Variants in OTOGL observed in about 807,000 individuals in gnomAD.
OTOGL encodes otogelin like.
Under a neutral mutation model 318.5 loss-of-function variants are expected in OTOGL, and 285 were observed. The ratio of observed to expected loss-of-function variants is 0.89; its 90% CI spans 0.81 to 0.99. OTOGL has a LOEUF of 0.99. Among genes scored for constraint, OTOGL ranks in the 50% least tolerant of loss-of-function variants. The pLI is 0.00. For missense variants in OTOGL, 2,899 were observed against 2,845.6 expected (o/e 1.02, Z -0.43); for synonymous variants, 987 against 936.5 (o/e 1.05, Z -0.99).
chr12:80,148,740 G>T (rs922350603), intron 1 of OTOGL, among the ~76,000 whole-genome samples: 1 of 152,124 alleles, frequency 6.6e-6, no homozygotes, highest in African/African-American at 2.4e-5. Flanking sequence ...TTTCTTGGAG[G>T]CTTTGCTCAT....
intron 1 of OTOGL, among the ~76,000 whole-genome samples, chr12:80,141,869 C>G (rs900418083): frequency 3.9e-5 from 6 of 152,084 alleles, no homozygotes; most frequent in African/African-American, 1.4e-4. Context: ...TTAAAATTAG[C>G]AGCAGAATTC....
intron 26 of OTOGL, among the ~76,000 whole-genome samples, chr12:80,279,621 A>T (rs1884068226): frequency 6.6e-6 from 1 of 151,386 alleles, no homozygotes; most frequent in East Asian, 1.9e-4. Flanking sequence ...TGCAAAAGAC[A>T]TTTCTTTCTT....
chr12:80,120,423 T>A (rs538477592), intron 1 of OTOGL, among the ~76,000 whole-genome samples: 1 of 152,150 alleles, frequency 6.6e-6, no homozygotes, highest in Non-Finnish European at 1.5e-5. Flanking sequence ...ACATACCTGT[T>A]GTTATATAAT....
chr12:80,343,526 T>TTTTTTTTTTTTTTTTTTTTTTTTTTTTC lies in OTOGL; in HGVS notation c.5265+1374_5265+1375insTTTTTTTTTTTTTTTTTCTTTTTTTTTT, dbSNP rs1555301044. 79 of 118,164 alleles carry TTTTTTTTTTTTTTTTTTTTTTTTTTTTC rather than the reference T, an allele frequency of 6.7e-4. 1 individual carries two copies. Among genetic ancestry groups the TTTTTTTTTTTTTTTTTTTTTTTTTTTTC allele is most frequent in the African/African-American group, 3.6e-3 (78 of 21,876 alleles). The allele number at this position is 118,164 out of a possible 1,614,324, so 7.3% of individuals were successfully genotyped here. A position where few individuals can be genotyped will look rare whatever the true frequency, so the allele number is the denominator to read the frequency against. On this transcript the variant is annotated intron_variant, in intron 44 of 58. Transcript: ENST00000547103. ...TTATTCTTGTTTTTTTTTTTTTTTTTTTTTTTTTTTAACTTTCTTTTCCTG... is the reference window on the plus strand; with the variant it reads ...TTATTCTTGTTTTTTTTTTTTTTTTTTTTTTTTTTTTTTTTTTTTTTTTTTTTCTTTTTTTTTTAACTTTCTTTTCCTG...
At chr12:80,286,183 T>TTG (rs1884606400) in intron 26 of OTOGL, among the ~76,000 whole-genome samples, 1 of 152,158 alleles carries the variant, frequency 6.6e-6, no homozygotes, top group Non-Finnish European at 1.5e-5. Context: ...ATTTATTGAT[T>TTG]TGTGTATGTT....
chr12:80,134,679 G>A (rs1478182636), intron 1 of OTOGL, among the ~76,000 whole-genome samples: 8 of 152,130 alleles, frequency 5.3e-5, no homozygotes. Context: ...CCTGCATTCT[G>A]CTTCTTGGCA....
At chr12:80,332,060 GT>G (rs1888107281) in intron 37 of OTOGL, among the ~76,000 whole-genome samples, 1 of 152,138 alleles carries the variant, frequency 6.6e-6, no homozygotes, top group Admixed American at 6.6e-5. Context: ...AGGAAACAGA[GT>G]CTCCCTTAGA....
At chr12:80,150,978 A>G (rs1224126721) in intron 1 of OTOGL, among the ~76,000 whole-genome samples, 4 of 152,352 alleles carry the variant, frequency 2.6e-5, no homozygotes, top group South Asian at 4.1e-4. Flanking sequence ...GGAAGAAATT[A>G]TAGATAATAG....
chr12:80,226,854 A>G (rs1194364361), intron 7 of OTOGL, among the ~76,000 whole-genome samples: 8 of 152,174 alleles, frequency 5.3e-5, no homozygotes, highest in Non-Finnish European at 1.2e-4. Context: ...TTTCCTGGAA[A>G]GTGTGCATGG....
chr12:80,296,765 A>C, intron 26 of OTOGL, 62 bp from the exon 27 acceptor site: 21 of 1,187,870 alleles, frequency 1.8e-5, no homozygotes, highest in Non-Finnish European at 2.3e-5. Context: ...TCTTAATAAA[A>C]ATAACTAAAA....
intron 1 of OTOGL, among the ~76,000 whole-genome samples, chr12:80,188,527 G>T (rs1414573306): frequency 6.7e-6 from 1 of 148,202 alleles, no homozygotes; most frequent in African/African-American, 2.5e-5. Flanking sequence ...GACAGAGTGA[G>T]ACTCTGTCTC....
intron 1 of OTOGL, among the ~76,000 whole-genome samples, chr12:80,163,928 G>A (rs1484198786): frequency 6.6e-6 from 1 of 152,114 alleles, no homozygotes; most frequent in Admixed American, 6.6e-5. Flanking sequence ...AAACAATGAA[G>A]TCACATGACA....
intron 29 of OTOGL, among the ~76,000 whole-genome samples, chr12:80,309,712 A>G (rs549451457): frequency 6.6e-6 from 1 of 152,184 alleles, no homozygotes; most frequent in Non-Finnish European, 1.5e-5. Context: ...TTCCTTCCTG[A>G]GGCAGGGCAA....
chr12:80,203,412 T>A (rs1876593516), intron 1 of OTOGL, among the ~76,000 whole-genome samples: 1 of 152,080 alleles, frequency 6.6e-6, no homozygotes, highest in South Asian at 2.1e-4. Flanking sequence ...AAATCCTTAA[T>A]CATATCTGTA....
At chr12:80,317,671 G>A (rs1887058618) in intron 32 of OTOGL, among the ~76,000 whole-genome samples, 1 of 152,054 alleles carries the variant, frequency 6.6e-6, no homozygotes, top group African/African-American at 2.4e-5. Context: ...CATCTTGGAG[G>A]TTTTTGTCAC....
intron 1 of OTOGL, among the ~76,000 whole-genome samples, chr12:80,147,649 G>A (rs926858344): frequency 6.6e-6 from 1 of 152,066 alleles, no homozygotes; most frequent in Non-Finnish European, 1.5e-5. Context: ...AATGTTGACA[G>A]TGGGGTGTTA....
At chr12:80,105,982 G>T (rs1287852699) in intron 1 of OTOGL, among the ~76,000 whole-genome samples, 1 of 152,100 alleles carries the variant, frequency 6.6e-6, no homozygotes, top group East Asian at 1.9e-4. Flanking sequence ...TTTTGGATCT[G>T]TTCAGATTTA....
At chr12:80,143,947 T>A (rs1245490074) in intron 1 of OTOGL, among the ~76,000 whole-genome samples, 5 of 152,166 alleles carry the variant, frequency 3.3e-5, no homozygotes, top group South Asian at 4.1e-4. Flanking sequence ...TAAAAGGGAC[T>A]AATTTACACT....
chr12:80,348,683 C>G (rs1032376120), intron 44 of OTOGL, among the ~76,000 whole-genome samples: 1 of 152,146 alleles, frequency 6.6e-6, no homozygotes, highest in Non-Finnish European at 1.5e-5. Context: ...CTGTCAATGT[C>G]CTCTATAATC....
Sources: gnomAD v4.1 joint callset for allele counts (sites outside exome capture counted in the v4.1 genomes callset) on GRCh38, gnomAD v4.1.1 for gene constraint, MANE v1.5 for transcripts, NCBI Gene and HGNC (gene_info 2026-07-23, HGNC 2026-07-21) for gene names.